Variants in CREG1 observed in about 807,000 individuals in gnomAD.
The protein encoded by CREG1 is cellular repressor of E1A stimulated genes 1, also known as protein CREG1.
A neutral mutation model predicts 19.9 loss-of-function variants in CREG1; 20 were observed. That is an observed-to-expected ratio of 1.01 (90% CI 0.71 to 1.46). The LOEUF is 1.46. CREG1 is among the 40% of genes most tolerant of loss of function. CREG1 has a pLI of 0.00. For synonymous variants in CREG1, 141 were observed against 143.3 expected (o/e 0.98, Z 0.12); for missense variants, 290 against 314.9 (o/e 0.92, Z 0.60).
At chr1:167,552,873 C>G (rs1656443960) in intron 1 of CREG1, among the ~76,000 whole-genome samples, 1 of 151,944 alleles carries the variant, frequency 6.6e-6, no homozygotes, top group African/African-American at 2.4e-5. Context: ...ATGGTGAAAC[C>G]CCGCCTCTAC....
rs1453976117 is a variant in CREG1, at chr1:167,548,074, G to C, written c.402C>G (p.Phe134Leu). The C allele has an allele frequency of 6.2e-7, 1 of 1,613,682 alleles. No homozygotes were observed. Among genetic ancestry groups the C allele is most frequent in the South Asian group, 1.1e-5 (1 of 91,072 alleles). ...GTGGATCAAATCCATGTTTCTTGCA[G>C]AAGTTGGTCTGTGCCAAAGTCATGG... is the stretch of plus-strand genomic sequence containing the variant. ...TLTMTLAQTN[F>L]CKKHGFDPQS... Residue 134 changes from phenylalanine (F) to leucine (L), a missense_variant, in exon 2 of 4, where the codon TTC becomes TTG. By Grantham distance (22) the Phe-to-Leu change is conservative. Transcript: ENST00000370509.
intron 1 of CREG1, among the ~76,000 whole-genome samples, chr1:167,551,058 C>T (rs1227522857): frequency 6.6e-6 from 1 of 152,206 alleles, no homozygotes; most frequent in Non-Finnish European, 1.5e-5. Context: ...ACTGGCTCTG[C>T]AGCCAAACAC....
intron 1 of CREG1, among the ~76,000 whole-genome samples, chr1:167,549,628 C>T (rs909431786): frequency 6.6e-6 from 1 of 152,106 alleles, no homozygotes; most frequent in Non-Finnish European, 1.5e-5. Flanking sequence ...TGTGATCCAC[C>T]CACCTCGGCC....
rs868395295 is a variant in CREG1 at position 167,553,716 on chromosome 1, G to C, written c.26C>G (p.Ala9Gly). 1.2e-5 allele frequency: 15 copies of C among 1,294,038 alleles called. No homozygotes were observed. The highest frequency in any genetic ancestry group is 2.9e-4 in the Middle Eastern group (1 of 3,412). 80.2% of individuals were successfully genotyped at this position (1,294,038 alleles called of 1,614,324 possible). Reference protein sequence around the residue: MAGLSRGSARALLAALLAS... With the variant: MAGLSRGSGRALLAALLAS... Reference sequence around the variant, plus strand: ...CAGCAGGGCGGCGAGCAGTGCGCGCGCGGACCCGCGGGATAGCCCGGCCAT... The same window carrying C: ...CAGCAGGGCGGCGAGCAGTGCGCGCCCGGACCCGCGGGATAGCCCGGCCAT... Residue 9 changes from alanine to glycine, a missense_variant, in exon 1 of 4, where the codon GCG becomes GGG. Physicochemically the swap from Ala to Gly is moderately conservative, Grantham distance 60. Coordinates refer to ENST00000370509, the MANE Select transcript of CREG1 (RefSeq NM_003851.3).
At chr1:167,552,884 T>C (rs1352010682) in intron 1 of CREG1, among the ~76,000 whole-genome samples, 1 of 151,886 alleles carries the variant, frequency 6.6e-6, no homozygotes, top group Non-Finnish European at 1.5e-5. Flanking sequence ...CCGCCTCTAC[T>C]AAAAATACAA....
Position 167,553,303 on chromosome 1 carries a change from G to C in CREG1, c.354+85C>G, listed in dbSNP as rs1330675573. ...CCGTTCGAGCCACGCTCCACTTCCCGGGAAGAATTCTGGGGAGAGTGAAGG... is the reference window on the plus strand; with the variant it reads ...CCGTTCGAGCCACGCTCCACTTCCCCGGAAGAATTCTGGGGAGAGTGAAGG... On this transcript the variant is annotated intron_variant, in intron 1 of 3. Coordinates refer to ENST00000370509, the MANE Select transcript of CREG1 (RefSeq NM_003851.3). The C allele has an allele frequency of 3.7e-6, 4 of 1,087,282 alleles. No homozygotes were observed. In the South Asian group the frequency reaches 7.0e-5, roughly 19 times the overall value. 67.4% of individuals were successfully genotyped at this position (1,087,282 alleles called of 1,614,324 possible).
In CREG1 at chr1:167,553,372, G is replaced by C; in HGVS notation, c.354+16C>G. On this transcript the variant is annotated intron_variant, in intron 1 of 3. Transcript: ENST00000370509. ...CGCCCACAGCCCGCCTGGGGAAGCC[G>C]CGGGCCCCAGCTCACCTGCAGGTTG... 7.4e-7 allele frequency: 1 copy of C among 1,359,984 alleles called. No individual in the cohort carries two copies. The highest frequency in any genetic ancestry group is 1.7e-5 in the South Asian group (1 of 59,856). The allele number at this position is 1,359,984 out of a possible 1,614,324, so 84.2% of individuals were successfully genotyped here.
chr1:167,546,287 T>A lies in CREG1; in HGVS notation c.475-2A>T. The A allele has an allele frequency of 6.4e-7, 1 of 1,563,686 alleles. No homozygotes were observed. The highest frequency in any genetic ancestry group is 8.7e-7 in the Non-Finnish European group (1 of 1,146,660). On this transcript the variant is annotated splice_acceptor_variant, in intron 2 of 3. Coordinates refer to ENST00000370509, the MANE Select transcript of CREG1 (RefSeq NM_003851.3). LOFTEE classifies it high-confidence loss of function. ...AATATCCATTTCTGTTTCATTCACC[T>A]AAAGGACATATATGAAATAAACATT...
At chr1:167,546,027 A>T (rs1350674401) in intron 3 of CREG1, 74 bp downstream of exon 3, 3 of 1,325,122 alleles carry the variant, frequency 2.3e-6, no homozygotes, top group African/African-American at 3.0e-5. Flanking sequence ...AAACGGTTAA[A>T]CCCCCCTTGC....
chr1:167,548,358 C>T lies in CREG1; in HGVS notation c.355-237G>A, dbSNP rs1162839111. On this transcript the variant is annotated intron_variant, in intron 1 of 3. Transcript: ENST00000370509. ...TGAACTGACTTGGTAAAAATTATTTCAATATTCTTTTTCTGAAACCCTGAA... is the reference window on the plus strand; with the variant it reads ...TGAACTGACTTGGTAAAAATTATTTTAATATTCTTTTTCTGAAACCCTGAA... Among the ~76,000 whole-genome samples the T allele has an allele frequency of 2.0e-5, 3 of 152,162 alleles. No individual in the cohort carries two copies. In the East Asian group the frequency reaches 5.8e-4, roughly 29 times the overall value.
chr1:167,548,425 C>T (rs190742658), intron 1 of CREG1, among the ~76,000 whole-genome samples: 193 of 152,286 alleles, frequency 1.3e-3, no homozygotes, highest in African/African-American at 4.5e-3. Context: ...TATAGTGACA[C>T]CCAAATTCAA....
intron 1 of CREG1, 46 bp from the exon 2 acceptor site, chr1:167,548,167 G>A (rs1262188815): frequency 6.5e-7 from 1 of 1,532,456 alleles, no homozygotes; most frequent in African/African-American, 1.4e-5. Flanking sequence ...TATGGTTTCT[G>A]GAGAGGTAAT....
intron 2 of CREG1, among the ~76,000 whole-genome samples, chr1:167,547,108 G>C (rs564942447): frequency 1.1e-3 from 168 of 152,362 alleles, no homozygotes; most frequent in African/African-American, 3.7e-3. Context: ...AATAACACTT[G>C]TCTGAGGCAT....
At chr1:167,549,805 C>T (rs1019394456) in intron 1 of CREG1, among the ~76,000 whole-genome samples, 4 of 152,110 alleles carry the variant, frequency 2.6e-5, no homozygotes, top group Non-Finnish European at 2.9e-5. Context: ...CCATCTCATC[C>T]TCCTGAGTAG....
At position 167,548,125 on chromosome 1, in the gene CREG1, T is replaced by G. The variant is rs74119803; in HGVS notation, c.355-4A>C. 3.8e-6 allele frequency: 6 copies of G among 1,588,650 alleles called. No individual in the cohort carries two copies. Among genetic ancestry groups the G allele is most frequent in the African/African-American group, 1.3e-5 (1 of 74,622 alleles). On this transcript the variant is annotated splice_polypyrimidine_tract_variant and splice_region_variant and intron_variant, in intron 1 of 3. Transcript: ENST00000370509. ...TCAGTGTAGCATATGGATTCTCCTATAGAGAGAAAATGAAGATCCTCTCAT... is the reference window on the plus strand; with the variant it reads ...TCAGTGTAGCATATGGATTCTCCTAGAGAGAGAAAATGAAGATCCTCTCAT...
chr1:167,546,524 C>T (rs1656328806), intron 2 of CREG1, among the ~76,000 whole-genome samples: 2 of 152,100 alleles, frequency 1.3e-5, no homozygotes, highest in African/African-American at 4.8e-5. Flanking sequence ...CACCTGTAGT[C>T]CCAGCTACTC....
rs1656225433 is a variant in CREG1, at chr1:167,541,613, G to A, written c.*685C>T. On this transcript the variant is annotated 3_prime_UTR_variant, in exon 4 of 4. Transcript: ENST00000370509. The stretch of plus-strand genomic sequence containing the variant: ...TGATAATACTGTTTCGACTTAGGTG[G>A]GGAAATTAAATTCAGGAGTTTTATG... 6.6e-6 allele frequency: 1 copy of A among 152,186 alleles called. No homozygotes were observed. Among genetic ancestry groups the A allele is most frequent in the African/African-American group, 2.4e-5 (1 of 41,424 alleles). The allele number at this position is 152,186 out of a possible 1,614,324, so 9.4% of individuals were successfully genotyped here.
At chr1:167,550,869 CAA>C (rs1417202058) in intron 1 of CREG1, among the ~76,000 whole-genome samples, 5 of 151,808 alleles carry the variant, frequency 3.3e-5, no homozygotes, top group Admixed American at 2.6e-4. Context: ...CTGCAGGGAA[CAA>C]AAGAGTAGGA....
chr1:167,545,162 A>C (rs1380152091), intron 3 of CREG1, among the ~76,000 whole-genome samples: 1 of 152,094 alleles, frequency 6.6e-6, no homozygotes, highest in African/African-American at 2.4e-5. Context: ...TCAGACTCAG[A>C]TGAAGGGCAT....
Sources: gnomAD v4.1 joint callset for allele counts (sites outside exome capture counted in the v4.1 genomes callset) on GRCh38, gnomAD v4.1.1 for gene constraint, MANE v1.5 for transcripts, NCBI Gene and HGNC (gene_info 2026-07-23, HGNC 2026-07-21) for gene names.